The following SLC7A1 variants were observed in gnomAD, a reference collection of about 807,000 sequenced individuals.
SLC7A1 encodes high affinity cationic amino acid transporter 1.
A neutral mutation model predicts 53.9 loss-of-function variants in SLC7A1; 10 were observed. The observed-to-expected ratio is 0.19, with a 90% confidence interval of 0.11 to 0.31. The LOEUF is 0.31. Ranked by LOEUF, SLC7A1 falls within the 10% of genes least tolerant of loss-of-function variation. The pLI, the probability that SLC7A1 is intolerant of heterozygous loss-of-function variation, is 1.00. For missense variants in SLC7A1, 525 were observed against 827.2 expected (o/e 0.63, Z 4.48); for synonymous variants, 342 against 338.7 (o/e 1.01, Z -0.11).
At chr13:29,585,393 T>C (rs960287560) in intron 1 of SLC7A1, among the ~76,000 whole-genome samples, 1 of 152,180 alleles carries the variant, frequency 6.6e-6, no homozygotes, top group Non-Finnish European at 1.5e-5. Flanking sequence ...GAATTTTTCT[T>C]GTAATGAAAT....
chr13:29,561,176 C>T (rs573928495), intron 1 of SLC7A1, among the ~76,000 whole-genome samples: 6 of 152,112 alleles, frequency 3.9e-5, no homozygotes, highest in Non-Finnish European at 7.4e-5. Flanking sequence ...AAACTAAGAA[C>T]GGACCAAACA....
At chr13:29,592,553 G>A (rs888352224) in intron 1 of SLC7A1, among the ~76,000 whole-genome samples, 8 of 152,234 alleles carry the variant, frequency 5.3e-5, no homozygotes, top group African/African-American at 1.2e-4. Context: ...ATTTGGAAAT[G>A]TACTAAGCCT....
At chr13:29,590,511 A>G (rs1411200832) in intron 1 of SLC7A1, among the ~76,000 whole-genome samples, 1 of 152,174 alleles carries the variant, frequency 6.6e-6, no homozygotes, top group African/African-American at 2.4e-5. Flanking sequence ...CATGGGTCTG[A>G]GTCCTAAGCA....
intron 8 of SLC7A1, 55 bp downstream of exon 8, chr13:29,522,262 G>C (rs1868661983): frequency 1.3e-6 from 2 of 1,582,968 alleles, no homozygotes; most frequent in Non-Finnish European, 1.7e-6. Flanking sequence ...TCTCCCTAGG[G>C]AGTAATGACT....
intron 1 of SLC7A1, among the ~76,000 whole-genome samples, chr13:29,562,606 A>C (rs555472356): frequency 6.0e-4 from 92 of 152,344 alleles, no homozygotes; most frequent in African/African-American, 2.1e-3. Context: ...CTGTGAAATG[A>C]CTGAACCTGG....
intron 1 of SLC7A1, among the ~76,000 whole-genome samples, chr13:29,571,077 T>A (rs1221484290): frequency 6.6e-6 from 1 of 152,306 alleles, no homozygotes; most frequent in Middle Eastern, 3.4e-3. Flanking sequence ...GAAGATTAAG[T>A]ACCCAAAATG....
At position 29,519,643 on chromosome 13, in the gene SLC7A1, G is replaced by T. The variant is rs547056101; in HGVS notation, c.1190-94C>A. 9.8e-5 allele frequency: 72 copies of T among 734,646 alleles called. No individual in the cohort carries two copies. In the Admixed American group the frequency reaches 1.1e-3, roughly 11 times the overall value. The allele number at this position is 734,646 out of a possible 1,614,324, so 45.5% of individuals were successfully genotyped here. A position where few individuals can be genotyped will look rare whatever the true frequency, so the allele number is the denominator to read the frequency against. ...GCCGCCCACCATCCAGGGCAGCGAA[G>T]GGGGCTGCTTTTACTCCCACCCCCT... On this transcript the variant is annotated intron_variant, in intron 8 of 12. Coordinates refer to ENST00000380752, the MANE Select transcript of SLC7A1 (RefSeq NM_003045.5).
chr13:29,542,806 TA>T (rs35321601), intron 2 of SLC7A1, among the ~76,000 whole-genome samples: 4 of 149,604 alleles, frequency 2.7e-5, no homozygotes, highest in African/African-American at 7.4e-5. Flanking sequence ...TTATGCAGCT[TA>T]AAAAAAAAAC....
chr13:29,512,669 T>C lies in SLC7A1; in HGVS notation c.*1811A>G, dbSNP rs1883427725. The C allele has an allele frequency of 6.6e-6, 1 of 152,188 alleles. No individual in the cohort carries two copies. Among genetic ancestry groups the C allele is most frequent in the Non-Finnish European group, 1.5e-5 (1 of 68,026 alleles). 9.4% of individuals were successfully genotyped at this position (152,188 alleles called of 1,614,324 possible). A position where few individuals can be genotyped will look rare whatever the true frequency, so the allele number is the denominator to read the frequency against. ...AAATATGTTACAACACCAATCTCCA[T>C]AAATGTCAATATCACTCTTTGGAAA... On this transcript the variant is annotated 3_prime_UTR_variant, in exon 13 of 13. Transcript: ENST00000380752.
At chr13:29,521,215 G>A (rs1868615908) in intron 8 of SLC7A1, among the ~76,000 whole-genome samples, 1 of 152,172 alleles carries the variant, frequency 6.6e-6, no homozygotes, top group South Asian at 2.1e-4. Context: ...AAAAATAGGT[G>A]TGTTTTATTA....
At chr13:29,514,954 C>CACA in intron 12 of SLC7A1, among the ~76,000 whole-genome samples, 1 of 152,296 alleles carries the variant, frequency 6.6e-6, no homozygotes, top group South Asian at 2.1e-4. Flanking sequence ...TGGGGTTTCC[C>CACA]GCAGGTGCTG....
At chr13:29,567,831 T>C (rs181284175) in intron 1 of SLC7A1, among the ~76,000 whole-genome samples, 60 of 149,128 alleles carry the variant, frequency 4.0e-4, no homozygotes, top group African/African-American at 1.4e-3. Context: ...CTTGCAAGTC[T>C]TGGCCTCTTT....
Position 29,530,609 on chromosome 13 carries a change from T to C in SLC7A1, c.633A>G (p.Lys211=). ...LGFIMVSGFV[K]GSVKNWQLTE... ...TGAGCTGCCAGTTTTTAACCGATCCTTTCACAAATCCTGACACCATTATGA... is the reference window on the plus strand; with the variant it reads ...TGAGCTGCCAGTTTTTAACCGATCCCTTCACAAATCCTGACACCATTATGA... Residue 211 remains lysine, a synonymous_variant, in exon 5 of 13, where the codon AAA becomes AAG. Transcript: ENST00000380752. 2 of 1,614,138 alleles carry C rather than the reference T, an allele frequency of 1.2e-6. No individual in the cohort carries two copies. Among genetic ancestry groups the C allele is most frequent in the African/African-American group, 1.3e-5 (1 of 75,028 alleles).
At chr13:29,560,014 C>T (rs949751909) in intron 1 of SLC7A1, among the ~76,000 whole-genome samples, 2 of 152,130 alleles carry the variant, frequency 1.3e-5, no homozygotes, top group Non-Finnish European at 2.9e-5. Context: ...TGCACCCGGA[C>T]CTTTTTTTTA....
chr13:29,544,155 C>T (rs778392957), intron 2 of SLC7A1, among the ~76,000 whole-genome samples: 1 of 152,172 alleles, frequency 6.6e-6, no homozygotes, highest in Non-Finnish European at 1.5e-5. Flanking sequence ...GAACCCAGTG[C>T]GATCTTTACA....
intron 2 of SLC7A1, 76 bp from the exon 3 acceptor site, chr13:29,536,278 A>G: frequency 4.3e-6 from 6 of 1,394,356 alleles, no homozygotes; most frequent in Non-Finnish European, 5.9e-6. Context: ...ACATTATGGA[A>G]ACACAGACAG....
At position 29,552,846 on chromosome 13, in the gene SLC7A1, CTG is replaced by C. The variant is rs199552805; in HGVS notation, c.-15+913_-15+914del. Among the ~76,000 whole-genome samples, 503 of 152,074 alleles carry C rather than the reference CTG, an allele frequency of 3.3e-3. 1 individual carries two copies. The highest frequency in any genetic ancestry group is 9.0e-3 in the African/African-American group (373 of 41,328). On this transcript the variant is annotated intron_variant, in intron 2 of 12. Transcript: ENST00000380752. ...ATTTCCCACTCCACATTCTATATTT[CTG>C]TGTGTGTTTCTTCAATTCCTCTAGC...
At chr13:29,580,400 T>G (rs1871591362) in intron 1 of SLC7A1, among the ~76,000 whole-genome samples, 1 of 151,928 alleles carries the variant, frequency 6.6e-6, no homozygotes, top group Admixed American at 6.5e-5. Flanking sequence ...CTACATTTAT[T>G]TCTCAGTGGC....
At chr13:29,532,217 C>G (rs1869194438) in intron 4 of SLC7A1, among the ~76,000 whole-genome samples, 1 of 152,230 alleles carries the variant, frequency 6.6e-6, no homozygotes, top group Non-Finnish European at 1.5e-5. Context: ...AAAACTCGCG[C>G]TGCACTGGCC....
Sources: gnomAD v4.1 joint callset for allele counts (sites outside exome capture counted in the v4.1 genomes callset) on GRCh38, gnomAD v4.1.1 for gene constraint, MANE v1.5 for transcripts, NCBI Gene and HGNC (gene_info 2026-07-23, HGNC 2026-07-21) for gene names.